BAHCC1: variants seen among roughly 807,000 people sequenced by gnomAD.
BAHCC1 encodes the protein BAH domain and coiled-coil containing 1.
BAHCC1 carries 43 observed loss-of-function variants against 88.2 expected under a neutral mutation model. That is an observed-to-expected ratio of 0.49 (90% CI 0.38 to 0.63). BAHCC1 has a LOEUF of 0.63. BAHCC1 is among the 20% of genes least tolerant of loss of function. The pLI, the probability that BAHCC1 is intolerant of heterozygous loss-of-function variation, is 0.00. For missense variants in BAHCC1, 3,023 were observed against 1,654.8 expected, an observed-to-expected ratio of 1.83 and a Z score of -14.34; for synonymous variants, 1,510 against 745.5, an observed-to-expected ratio of 2.03 and a Z score of -16.71.
chr17:81,452,241 G>A, intron 13 of BAHCC1, 134 bp downstream of exon 13: 1 of 495,270 alleles, frequency 2.0e-6, no homozygotes, highest in Non-Finnish European at 3.5e-6. Flanking sequence ...AGACACCAGG[G>A]TCCATCGGGG....
At chr17:81,433,469 C>T (rs1323959054) in intron 3 of BAHCC1, among the ~76,000 whole-genome samples, 3 of 150,660 alleles carry the variant, frequency 2.0e-5, no homozygotes, top group African/African-American at 4.9e-5. Context: ...TCCACCGAGG[C>T]CCCTCCTGTG....
Position 81,426,939 on chromosome 17 carries a change from C to G in BAHCC1, c.318C>G (p.His106Gln). ...SPPEQAYRGS[H>Q]PTTSQIWFSH... ...CTGAGCAGGCCTACCGTGGCTCCCA[C>G]CCCACCACCTCCCAGATCTGGTTCT... Residue 106 changes from histidine (H) to glutamine (Q), a missense_variant, in exon 3 of 28, where the codon CAC (histidine) becomes CAG (glutamine). By Grantham distance (24) the His-to-Gln change is conservative. Coordinates refer to ENST00000675386, the MANE Select transcript of BAHCC1 (RefSeq NM_001377448.1). 1 of 398,750 alleles carries G rather than the reference C, an allele frequency of 2.5e-6. No homozygotes were observed. Among genetic ancestry groups the G allele is most frequent in the Non-Finnish European group, 4.4e-6 (1 of 226,168 alleles). 24.7% of individuals were successfully genotyped at this position (398,750 alleles called of 1,614,324 possible).
rs11871611 is a variant in BAHCC1 at position 81,458,614 on chromosome 17, C to T, written c.5344-7C>T. 0.039 allele frequency: 27,894 copies of T among 714,894 alleles called. 701 individuals are homozygous for T. Among genetic ancestry groups the T allele is most frequent in the African/African-American group, 0.064 (3,655 of 57,216 alleles). The allele number at this position is 714,894 out of a possible 1,614,324, so 44.3% of individuals were successfully genotyped here. On this transcript the variant is annotated splice_region_variant and splice_polypyrimidine_tract_variant and intron_variant, in intron 18 of 27. Coordinates refer to ENST00000675386, the MANE Select transcript of BAHCC1 (RefSeq NM_001377448.1). ...ACTCAGCCCCTTCTCTGCCTGCCCA[C>T]GCGCAGCGGAAGAACGGGGCCCTGT...
chr17:81,416,049 CGTGT>C (rs1349874121), intron 2 of BAHCC1, among the ~76,000 whole-genome samples: 2 of 136,878 alleles, frequency 1.5e-5, no homozygotes, highest in East Asian at 2.3e-4. Flanking sequence ...CGCATGTGTG[CGTGT>C]GTGTCCATGA....
chr17:81,419,928 C>T (rs536528148), intron 2 of BAHCC1, among the ~76,000 whole-genome samples: 6 of 152,278 alleles, frequency 3.9e-5, no homozygotes, highest in East Asian at 3.9e-4. Context: ...CGGGCCCTGC[C>T]GTCCTCTTGT....
intron 16 of BAHCC1, 106 bp from the exon 17 acceptor site, chr17:81,457,304 C>T: frequency 6.1e-6 from 4 of 656,022 alleles, no homozygotes; most frequent in East Asian, 2.7e-5. Context: ...GTGACCAGCT[C>T]CACTCACAGC....
chr17:81,428,647 T>G (rs1412177215), intron 3 of BAHCC1, among the ~76,000 whole-genome samples: 1 of 152,218 alleles, frequency 6.6e-6, no homozygotes, highest in Admixed American at 6.5e-5. Context: ...ACCACCTGCC[T>G]TGGAGCCCCC....
chr17:81,435,513 C>G lies in BAHCC1; in HGVS notation c.359-2857C>G. 6.4e-6 allele frequency: 3 copies of G among 470,720 alleles called. No homozygotes were observed. The highest frequency in any genetic ancestry group is 4.6e-5 in the South Asian group (3 of 64,562). The allele number at this position is 470,720 out of a possible 1,614,324, so 29.2% of individuals were successfully genotyped here. A position where few individuals can be genotyped will look rare whatever the true frequency, so the allele number is the denominator to read the frequency against. On this transcript the variant is annotated intron_variant, in intron 3 of 27. Coordinates refer to ENST00000675386, the MANE Select transcript of BAHCC1 (RefSeq NM_001377448.1). This position sits in a 1 kb window ranked among gnomAD's most constrained non-coding sequence, Gnocchi z 4.4. ...CGCTTAGCCCAGGGCTTGCCCTTGT[C>G]TGTTGGGGTGATCATAAAAGCTCCC...
intron 2 of BAHCC1, among the ~76,000 whole-genome samples, chr17:81,416,531 G>A (rs1383767219): frequency 2.6e-5 from 4 of 151,748 alleles, no homozygotes; most frequent in African/African-American, 7.3e-5. Flanking sequence ...GAGGATGGGT[G>A]TGTGCGTGTT....
At chr17:81,439,055 CT>C (rs1485188274) in intron 4 of BAHCC1, among the ~76,000 whole-genome samples, 1 of 152,168 alleles carries the variant, frequency 6.6e-6, no homozygotes, top group Non-Finnish European at 1.5e-5. Context: ...GGGATGCAGA[CT>C]TTGTCTTTGC....
chr17:81,459,096 T>C lies in BAHCC1; in HGVS notation c.5648T>C (p.Leu1883Pro). 1.3e-6 allele frequency: 1 copy of C among 770,982 alleles called. No homozygotes were observed. The highest frequency in any genetic ancestry group is 1.7e-5 in the Admixed American group (1 of 58,142). The allele number at this position is 770,982 out of a possible 1,614,324, so 47.8% of individuals were successfully genotyped here. A position where few individuals can be genotyped will look rare whatever the true frequency, so the allele number is the denominator to read the frequency against. Residue 1883 changes from leucine to proline, a missense_variant, in exon 21 of 28, where the codon CTG (leucine) becomes CCG (proline). Coordinates refer to ENST00000675386, the MANE Select transcript of BAHCC1 (RefSeq NM_001377448.1). ...AIHKEDLRDG[L>P]PVLIPKEDSL... ...CACAAGGAGGACCTGCGGGACGGGC[T>C]GCCCGTGCTCATCCCCAAGGAGGAT...
In BAHCC1 at chr17:81,415,892, C is replaced by T. The variant is rs1025845445; in HGVS notation, c.179-10908C>T. Among the ~76,000 whole-genome samples, 10 of 152,380 alleles carry T rather than the reference C, an allele frequency of 6.6e-5. No individual in the cohort carries two copies. The South Asian group carries it at 8.3e-4, about 13-fold the overall frequency. Reference sequence around the variant, plus strand: ...AACCATCGAGGACGGCCCAGGATGGCTGTGGGCAGAGCGCCCCACCCTGCC... The same window carrying T: ...AACCATCGAGGACGGCCCAGGATGGTTGTGGGCAGAGCGCCCCACCCTGCC... On this transcript the variant is annotated intron_variant, in intron 2 of 27. Transcript: ENST00000675386.
chr17:81,458,022 GA>G (rs2064783709), intron 17 of BAHCC1, 142 bp from the exon 18 acceptor site: 1 of 616,670 alleles, frequency 1.6e-6, no homozygotes, highest in African/African-American at 1.9e-5. Context: ...GGGTAACCAG[GA>G]GGGGGAGGGC....
chr17:81,455,218 G>A, intron 14 of BAHCC1, 49 bp from the exon 15 acceptor site: 1 of 701,236 alleles, frequency 1.4e-6, no homozygotes, highest in Non-Finnish European at 2.6e-6. Flanking sequence ...GACAAGGCTG[G>A]GGCGGCCGGG....
In BAHCC1 at chr17:81,419,882, C is replaced by T. The variant is rs181548600; in HGVS notation, c.179-6918C>T. ...GCTCACTTAACTCAAAACAAATGCT[C>T]GCTCTGCCGGCTCCGCGCCCGCCTC... is the stretch of plus-strand genomic sequence containing the variant. On this transcript the variant is annotated intron_variant, in intron 2 of 27. Transcript: ENST00000675386. Among the ~76,000 whole-genome samples the T allele has an allele frequency of 6.4e-3, 965 of 151,202 alleles. 13 individuals carry two copies. Among genetic ancestry groups the T allele is most frequent in the African/African-American group, 0.021 (873 of 41,088 alleles).
In BAHCC1 at chr17:81,457,489, C is replaced by T. The variant is rs782342663; in HGVS notation, c.4938C>T (p.His1646=). Residue 1646 remains histidine, a synonymous_variant, in exon 17 of 28, where the codon CAC becomes CAT. Transcript: ENST00000675386. ...APPREAGLLL[H]TGASVAVLGP... is the part of the protein sequence containing the mutation. ...CCAGGGAAGCAGGGCTGCTGCTGCACACCGGGGCCAGTGTGGCCGTGCTGG... is the reference window on the plus strand; with the variant it reads ...CCAGGGAAGCAGGGCTGCTGCTGCATACCGGGGCCAGTGTGGCCGTGCTGG... The T allele has an allele frequency of 1.4e-5, 11 of 766,844 alleles. No homozygotes were observed. Among genetic ancestry groups the T allele is most frequent in the Admixed American group, 1.2e-4 (7 of 56,928 alleles). The allele number at this position is 766,844 out of a possible 1,614,324, so 47.5% of individuals were successfully genotyped here.
In BAHCC1 at chr17:81,399,886, C is replaced by T. The variant is rs1555645752; in HGVS notation, c.147C>T (p.Phe49=). ...PPAHFQPGKY[F]PSPLPMASHT... ...CACACTTCCAGCCGGGAAAGTACTT[C>T]CCGTCGCCGTTGCCCATGGCTTCGC... Residue 49 remains phenylalanine, a synonymous_variant, in exon 2 of 28, where the codon TTC becomes TTT. Coordinates refer to ENST00000675386, the MANE Select transcript of BAHCC1 (RefSeq NM_001377448.1). The surrounding 1 kb of genome is among the most constrained non-coding windows in gnomAD (Gnocchi z 4.5). 2.8e-6 allele frequency: 4 copies of T among 1,450,740 alleles called. No homozygotes were observed. Among genetic ancestry groups the T allele is most frequent in the East Asian group, 3.0e-5 (1 of 32,830 alleles). The allele number at this position is 1,450,740 out of a possible 1,614,324, so 89.9% of individuals were successfully genotyped here. A position where few individuals can be genotyped will look rare whatever the true frequency, so the allele number is the denominator to read the frequency against.
chr17:81,458,717 G>A lies in BAHCC1; in HGVS notation c.5440G>A (p.Gly1814Ser), dbSNP rs371014625. The A allele has an allele frequency of 2.3e-5, 17 of 732,354 alleles. No individual in the cohort carries two copies. The highest frequency in any genetic ancestry group is 3.5e-5 in the African/African-American group (2 of 57,956). 45.4% of individuals were successfully genotyped at this position (732,354 alleles called of 1,614,324 possible). A position where few individuals can be genotyped will look rare whatever the true frequency, so the allele number is the denominator to read the frequency against. Reference protein sequence around the residue: ...RKLSKVKHKAGKQGKGRAVSR... With the variant: ...RKLSKVKHKASKQGKGRAVSR... ...GCTGAGCAAGGTGAAGCACAAGGCC[G>A]GCAAGCAGGTAGCAGCCCCCCACTC... The change falls in exon 19 of 28, where the codon GGC becomes AGC. Residue 1814 changes from glycine (G) to serine (S), a missense_variant. By Grantham distance (56) the Gly-to-Ser change is moderately conservative. Transcript: ENST00000675386.
intron 18 of BAHCC1, 66 bp downstream of exon 18, chr17:81,458,532 C>CCCCCCCCCCA: frequency 3.1e-6 from 2 of 646,552 alleles, no homozygotes. Flanking sequence ...CCTTCCCCGC[C>CCCCCCCCCCA]CTCCCCCGCA....
Sources: gnomAD v4.1 joint callset for allele counts (sites outside exome capture counted in the v4.1 genomes callset) on GRCh38, gnomAD v4.1.1 for gene constraint, Gnocchi (gnomAD v3.1) non-coding constraint, MANE v1.5 for transcripts, NCBI Gene and HGNC (gene_info 2026-07-23, HGNC 2026-07-21) for gene names.